Variants in DCBLD2 observed in about 807,000 individuals in gnomAD.
DCBLD2 encodes discoidin, CUB and LCCL domain containing 2.
Under a neutral mutation model 86.8 loss-of-function variants are expected in DCBLD2, and 54 were observed. The ratio of observed to expected loss-of-function variants is 0.62; its 90% CI spans 0.50 to 0.78. The LOEUF (loss-of-function observed/expected upper bound fraction) is 0.78, where lower values mean the gene tolerates loss of function less well. Among genes scored for constraint, DCBLD2 ranks in the 30% least tolerant of loss-of-function variants. The pLI is 0.00. For missense variants in DCBLD2, 908 were observed against 954.2 expected (o/e 0.95, Z 0.64); for synonymous variants, 354 against 341.3 (o/e 1.04, Z -0.41).
rs1553727063 is a variant in DCBLD2 at position 98,839,175 on chromosome 3, T to TTCCTTCCTTCCTTC, written c.571+10285_571+10286insGAAGGAAGGAAGGA. Among the ~76,000 whole-genome samples the TTCCTTCCTTCCTTC allele has an allele frequency of 1.5e-3, 153 of 101,618 alleles. 4 individuals carry two copies. The highest frequency in any genetic ancestry group is 9.8e-4 in the East Asian group (2 of 2,046). 66.7% of individuals were successfully genotyped at this position (101,618 alleles called of 152,430 possible). ...TCTTTCTTTCTTTCTTTCTTTCCTT[T>TTCCTTCCTTCCTTC]CTTTCTTCCTTCCTTCCTTCCTTCC... On this transcript the variant is annotated intron_variant, in intron 3 of 15. Transcript: ENST00000326840.
chr3:98,810,220 T>C (rs1941915376), intron 12 of DCBLD2, among the ~76,000 whole-genome samples: 1 of 152,214 alleles, frequency 6.6e-6, no homozygotes, highest in African/African-American at 2.4e-5. Context: ...GATTCTGCCT[T>C]AGTACATGCC....
chr3:98,899,260 CTTTTTTTTT>C (rs10605926), intron 1 of DCBLD2, among the ~76,000 whole-genome samples: 1 of 101,768 alleles, frequency 9.8e-6, no homozygotes, highest in African/African-American at 3.4e-5. Flanking sequence ...ATTTCTTTTT[CTTTTTTTTT>C]TTTTTTTTTT....
intron 1 of DCBLD2, among the ~76,000 whole-genome samples, chr3:98,891,185 G>A (rs80248655): frequency 6.6e-6 from 1 of 150,676 alleles, no homozygotes; most frequent in Non-Finnish European, 1.5e-5. Context: ...TGTGACAGAG[G>A]GAGAGGGAGA....
intron 13 of DCBLD2, among the ~76,000 whole-genome samples, chr3:98,802,406 T>G (rs1381992064): frequency 6.6e-6 from 1 of 152,152 alleles, no homozygotes; most frequent in East Asian, 1.9e-4. Flanking sequence ...TGGGGTTGTT[T>G]TTTTTTCTTG....
At chr3:98,803,421 T>C (rs1941767136) in intron 13 of DCBLD2, among the ~76,000 whole-genome samples, 1 of 152,266 alleles carries the variant, frequency 6.6e-6, no homozygotes, top group African/African-American at 2.4e-5. Context: ...CTGAAGTTGC[T>C]TATCAGCTTA....
chr3:98,834,263 A>C (rs1942384236), intron 3 of DCBLD2, among the ~76,000 whole-genome samples: 1 of 150,570 alleles, frequency 6.6e-6, no homozygotes, highest in Non-Finnish European at 1.5e-5. Context: ...AATCAGTGTA[A>C]TTGGGATATT....
At chr3:98,856,199 G>T (rs947347134) in intron 2 of DCBLD2, among the ~76,000 whole-genome samples, 5 of 152,100 alleles carry the variant, frequency 3.3e-5, no homozygotes, top group Non-Finnish European at 7.4e-5. Flanking sequence ...TTCTTGGATG[G>T]GGGCAGGATC....
At chr3:98,825,391 G>T (rs1393849468) in intron 3 of DCBLD2, 25 bp from the exon 4 acceptor site, 2 of 1,469,888 alleles carry the variant, frequency 1.4e-6, no homozygotes, top group African/African-American at 1.5e-5. Flanking sequence ...ATAAAAAACT[G>T]ATTCCATTAA....
At chr3:98,840,093 T>C (rs1316098952) in intron 3 of DCBLD2, among the ~76,000 whole-genome samples, 2 of 152,158 alleles carry the variant, frequency 1.3e-5, no homozygotes, top group African/African-American at 4.8e-5. Flanking sequence ...GGATAGTTGG[T>C]AGAGTGAGAT....
intron 3 of DCBLD2, among the ~76,000 whole-genome samples, chr3:98,848,034 T>G (rs1199665690): frequency 1.3e-5 from 2 of 152,192 alleles, no homozygotes; most frequent in Non-Finnish European, 2.9e-5. Context: ...ATAAGTAAGC[T>G]TGCGTCATGG....
In DCBLD2 at chr3:98,870,810, A is replaced by AAGG. The variant is rs1943268144; in HGVS notation, c.433+10729_433+10730insCCT. On this transcript the variant is annotated intron_variant, in intron 2 of 15. Transcript: ENST00000326840. ...GAAAGAAAGAAAGAAAGAAAGAAAG[A>AAGG]AAGGTAGGCAGGCATTGGTGGTATT... Among the ~76,000 whole-genome samples the AAGG allele has an allele frequency of 1.4e-3, 185 of 131,680 alleles. 5 individuals are homozygous for AAGG. The highest frequency in any genetic ancestry group is 3.8e-3 in the East Asian group (18 of 4,724). The allele number at this position is 131,680 out of a possible 152,430, so 86.4% of individuals were successfully genotyped here.
intron 4 of DCBLD2, among the ~76,000 whole-genome samples, chr3:98,824,878 T>G (rs1306566674): frequency 6.6e-6 from 1 of 152,076 alleles, no homozygotes; most frequent in East Asian, 1.9e-4. Flanking sequence ...AAATAGGAAC[T>G]CGATTAGAAG....
chr3:98,864,079 T>A (rs1447244415), intron 2 of DCBLD2, among the ~76,000 whole-genome samples: 2 of 152,236 alleles, frequency 1.3e-5, no homozygotes, highest in Non-Finnish European at 2.9e-5. Context: ...AAGACATTTA[T>A]GCAGCCAAAA....
chr3:98,844,372 T>TATTA, intron 3 of DCBLD2, among the ~76,000 whole-genome samples: 1 of 150,554 alleles, frequency 6.6e-6, no homozygotes, highest in Non-Finnish European at 1.5e-5. Context: ...TTATTATTAT[T>TATTA]TTGGGATAGA....
chr3:98,885,495 A>G (rs537741978), intron 1 of DCBLD2, among the ~76,000 whole-genome samples: 1 of 151,972 alleles, frequency 6.6e-6, no homozygotes, highest in African/African-American at 2.4e-5. Context: ...ATGACCCACT[A>G]AAGTATTTCA....
chr3:98,821,874 C>T (rs1383254551), intron 6 of DCBLD2, among the ~76,000 whole-genome samples: 2 of 152,014 alleles, frequency 1.3e-5, no homozygotes, highest in Non-Finnish European at 2.9e-5. Flanking sequence ...GGTGAAACCC[C>T]GCCTCTACTA....
chr3:98,819,932 G>A (rs185659962), intron 7 of DCBLD2, among the ~76,000 whole-genome samples: 99 of 152,256 alleles, frequency 6.5e-4, no homozygotes, highest in South Asian at 1.7e-3. Context: ...TCTATCACTC[G>A]AACCAGAGCA....
chr3:98,819,482 C>A, intron 7 of DCBLD2, 65 bp from the exon 8 acceptor site: 1 of 1,529,396 alleles, frequency 6.5e-7, no homozygotes, highest in South Asian at 1.2e-5. Context: ...TAGACCTGCT[C>A]ACTGAAAACT....
At chr3:98,844,576 T>C (rs1162828833) in intron 3 of DCBLD2, among the ~76,000 whole-genome samples, 2 of 152,130 alleles carry the variant, frequency 1.3e-5, no homozygotes, top group Non-Finnish European at 2.9e-5. Context: ...TTGGCCAGGC[T>C]TGTCTCGAAC....
Sources: gnomAD v4.1 joint callset for allele counts (sites outside exome capture counted in the v4.1 genomes callset) on GRCh38, gnomAD v4.1.1 for gene constraint, MANE v1.5 for transcripts, NCBI Gene and HGNC (gene_info 2026-07-23, HGNC 2026-07-21) for gene names.